Variants in AGBL4 observed in about 807,000 individuals in gnomAD.
The protein encoded by AGBL4 is cytosolic carboxypeptidase 6.
A neutral mutation model predicts 66.4 loss-of-function variants in AGBL4; 58 were observed. That is an observed-to-expected ratio of 0.87 (90% CI 0.71 to 1.09). AGBL4 has a LOEUF of 1.09. Ranked by LOEUF, AGBL4 falls within the 50% of genes least tolerant of loss-of-function variation. The probability of loss-of-function intolerance (pLI) is 0.00; values close to 1 mark genes in which losing one functional copy is unlikely to be tolerated. For synonymous variants in AGBL4, 234 were observed against 222.9 expected, an observed-to-expected ratio of 1.05 and a Z score of -0.44; for missense variants, 579 against 631.0, an observed-to-expected ratio of 0.92 and a Z score of 0.88.
intron 6 of AGBL4, among the ~76,000 whole-genome samples, chr1:48,673,449 T>A (rs530179362): frequency 2.4e-4 from 36 of 152,328 alleles, no homozygotes; most frequent in African/African-American, 8.4e-4. Context: ...CCTATTGAGA[T>A]CTTCATTGAG....
chr1:49,635,266 A>T (rs1645649436), intron 3 of AGBL4, among the ~76,000 whole-genome samples: 1 of 152,194 alleles, frequency 6.6e-6, no homozygotes, highest in Non-Finnish European at 1.5e-5. Flanking sequence ...TCAGATATAA[A>T]TATGAAAGAT....
intron 5 of AGBL4, among the ~76,000 whole-genome samples, chr1:48,983,324 TTC>T (rs2148967760): frequency 6.6e-6 from 1 of 152,270 alleles, no homozygotes; most frequent in East Asian, 1.9e-4. Flanking sequence ...GAATAGTCTG[TTC>T]TGTCAGGCTT....
At chr1:48,696,621 A>G (rs1246451190) in intron 6 of AGBL4, among the ~76,000 whole-genome samples, 1 of 152,148 alleles carries the variant, frequency 6.6e-6, no homozygotes, top group Non-Finnish European at 1.5e-5. Context: ...AGGAAGAAAT[A>G]CCCAACTGCT....
chr1:48,566,599 T>C (rs1157057600), intron 11 of AGBL4, among the ~76,000 whole-genome samples: 1 of 152,224 alleles, frequency 6.6e-6, no homozygotes, highest in Non-Finnish European at 1.5e-5. Flanking sequence ...ATTCTGGATG[T>C]TTCTGTGAGG....
chr1:49,383,018 A>C (rs1256651656), intron 3 of AGBL4, among the ~76,000 whole-genome samples: 1 of 152,206 alleles, frequency 6.6e-6, no homozygotes, highest in Non-Finnish European at 1.5e-5. Context: ...ACAATCCAAA[A>C]TGGAATTTAA....
At chr1:49,474,240 T>C (rs989590178) in intron 3 of AGBL4, among the ~76,000 whole-genome samples, 2 of 152,104 alleles carry the variant, frequency 1.3e-5, no homozygotes, top group African/African-American at 4.8e-5. Flanking sequence ...TTTAATGATA[T>C]TGGTTCTTCC....
At chr1:48,691,491 C>T (rs973656057) in intron 6 of AGBL4, among the ~76,000 whole-genome samples, 42 of 152,044 alleles carry the variant, frequency 2.8e-4, no homozygotes, top group Non-Finnish European at 2.9e-4. Context: ...GCAGAAACCA[C>T]GACAGATGGA....
intron 4 of AGBL4, among the ~76,000 whole-genome samples, chr1:49,123,729 A>T (rs1360888787): frequency 6.6e-6 from 1 of 152,214 alleles, no homozygotes; most frequent in Non-Finnish European, 1.5e-5. Context: ...CTCAGTGTCA[A>T]TAAAAGCTGT....
chr1:48,795,662 G>GT (rs1298354367), intron 6 of AGBL4, among the ~76,000 whole-genome samples: 11 of 151,846 alleles, frequency 7.2e-5, no homozygotes, highest in East Asian at 1.9e-4. Flanking sequence ...TCTATGCAAT[G>GT]TTTTTTTTGA....
chr1:48,966,678 A>C (rs1364982685), intron 5 of AGBL4, among the ~76,000 whole-genome samples: 1 of 152,182 alleles, frequency 6.6e-6, no homozygotes, highest in Non-Finnish European at 1.5e-5. Flanking sequence ...TTTTCAATTT[A>C]TAATGGCATT....
At chr1:49,394,608 A>C (rs1163625592) in intron 3 of AGBL4, among the ~76,000 whole-genome samples, 1 of 152,176 alleles carries the variant, frequency 6.6e-6, no homozygotes, top group Non-Finnish European at 1.5e-5. Flanking sequence ...AAAGAAAGAA[A>C]AACGTAAACC....
At chr1:48,977,040 C>T (rs959447389) in intron 5 of AGBL4, among the ~76,000 whole-genome samples, 4 of 151,886 alleles carry the variant, frequency 2.6e-5, no homozygotes, top group African/African-American at 9.7e-5. Context: ...CAATACTGTC[C>T]CTAGTGTGCC....
chr1:49,168,512 G>A (rs1207576682), intron 4 of AGBL4, among the ~76,000 whole-genome samples: 1 of 152,228 alleles, frequency 6.6e-6, no homozygotes, highest in Non-Finnish European at 1.5e-5. Flanking sequence ...ATCTTAGTTA[G>A]AGTGAGGCTT....
chr1:49,286,127 T>C (rs1644403284), intron 3 of AGBL4, among the ~76,000 whole-genome samples: 2 of 152,166 alleles, frequency 1.3e-5, no homozygotes, highest in African/African-American at 2.4e-5. Flanking sequence ...ATTATCTCAA[T>C]AGATGCAGAA....
intron 7 of AGBL4, among the ~76,000 whole-genome samples, chr1:48,662,537 C>T (rs1474709943): frequency 6.6e-6 from 1 of 152,142 alleles, no homozygotes; most frequent in Non-Finnish European, 1.5e-5. Context: ...CAACAATATA[C>T]ATATATATTG....
intron 7 of AGBL4, among the ~76,000 whole-genome samples, chr1:48,661,196 C>A (rs1570166824): frequency 6.6e-6 from 1 of 152,128 alleles, no homozygotes; most frequent in Admixed American, 6.5e-5. Flanking sequence ...AGATGATGGC[C>A]ATCTTTAGAT....
chr1:48,831,038 C>G (rs750234824), intron 6 of AGBL4, among the ~76,000 whole-genome samples: 29 of 152,194 alleles, frequency 1.9e-4, no homozygotes, highest in Admixed American at 9.2e-4. Context: ...TAAAAGGGAG[C>G]ATTTTCGGGT....
intron 1 of AGBL4, among the ~76,000 whole-genome samples, chr1:49,933,527 TATAA>T (rs1653585122): frequency 1.3e-5 from 2 of 152,100 alleles, no homozygotes; most frequent in South Asian, 4.1e-4. Context: ...AATGATAGAG[TATAA>T]ATAACTTGTC....
chr1:49,120,083 G>A (rs186769073), intron 4 of AGBL4, among the ~76,000 whole-genome samples: 3 of 152,200 alleles, frequency 2.0e-5, no homozygotes, highest in Middle Eastern at 3.4e-3. Context: ...CTCTGCATGT[G>A]AGATGGGTCT....
Sources: allele counts gnomAD v4.1 joint callset (sites outside exome capture counted in the v4.1 genomes callset), GRCh38; gene constraint gnomAD v4.1.1; transcripts MANE v1.5; gene names NCBI Gene and HGNC (gene_info 2026-07-23, HGNC 2026-07-21).